The following ROBO1 variants were observed in gnomAD, a reference collection of about 807,000 sequenced individuals.
ROBO1 encodes the protein roundabout homolog 1.
Under a neutral mutation model 195.9 loss-of-function variants are expected in ROBO1, and 149 were observed. That is an observed-to-expected ratio of 0.76 (90% CI 0.67 to 0.87). The LOEUF is 0.87. ROBO1 is among the 40% of genes least tolerant of loss of function. ROBO1 has a pLI of 0.00. For synonymous variants in ROBO1, 816 were observed against 733.2 expected (o/e 1.11, Z -1.82); for missense variants, 1,933 against 2,068.3 (o/e 0.93, Z 1.27).
At chr3:79,119,279 A>G (rs2108556097) in intron 3 of ROBO1, among the ~76,000 whole-genome samples, 1 of 152,330 alleles carries the variant, frequency 6.6e-6, no homozygotes, top group South Asian at 2.1e-4. Context: ...TAATGCTCAA[A>G]TCCACTTGAA....
Position 78,625,819 on chromosome 3 carries a change from T to A in ROBO1, c.3875+1502A>T, listed in dbSNP as rs563508886. The stretch of plus-strand genomic sequence containing the variant: ...CAAAACGTTATAAGCCAGAATGCAG[T>A]GGGCTGAGGTGCGAATGCGAATCAG... On this transcript the variant is annotated intron_variant, in intron 26 of 30. Coordinates refer to ENST00000464233, the MANE Select transcript of ROBO1 (RefSeq NM_002941.4). 2.6e-5 allele frequency among the ~76,000 whole-genome samples: 4 copies of A among 152,054 alleles called. No homozygotes were observed. In the East Asian group the frequency reaches 7.8e-4, roughly 29 times the overall value.
chr3:78,940,987 A>T (rs963706191), intron 3 of ROBO1, among the ~76,000 whole-genome samples: 1 of 152,272 alleles, frequency 6.6e-6, no homozygotes, highest in African/African-American at 2.4e-5. Context: ...TATTTTTCAA[A>T]GTTATAACTA....
At chr3:79,312,333 T>C (rs2033525301) in intron 2 of ROBO1, among the ~76,000 whole-genome samples, 1 of 152,212 alleles carries the variant, frequency 6.6e-6, no homozygotes, top group Non-Finnish European at 1.5e-5. Flanking sequence ...TTGTCTGTTT[T>C]ACTTACTTCA....
chr3:78,954,904 G>A (rs569907069), intron 3 of ROBO1, among the ~76,000 whole-genome samples: 3 of 151,124 alleles, frequency 2.0e-5, no homozygotes, highest in Non-Finnish European at 4.4e-5. Context: ...TTTCTAAGGA[G>A]AGAATTTCTT....
At position 78,846,525 on chromosome 3, in the gene ROBO1, T is replaced by C. The variant is rs891999635; in HGVS notation, c.499+92076A>G. Among the ~76,000 whole-genome samples the C allele has an allele frequency of 2.0e-5, 3 of 152,246 alleles. 1 individual carries two copies. In the South Asian group the frequency reaches 6.2e-4, roughly 32 times the overall value. ...ACGATGGCATCTTTTCACATTTTATTTTGTATCAGAAAAAAGCATTTAAGC... is the reference window on the plus strand; with the variant it reads ...ACGATGGCATCTTTTCACATTTTATCTTGTATCAGAAAAAAGCATTTAAGC... On this transcript the variant is annotated intron_variant, in intron 4 of 30. Coordinates refer to ENST00000464233, the MANE Select transcript of ROBO1 (RefSeq NM_002941.4).
Position 79,756,452 on chromosome 3 carries a change from G to A in ROBO1, c.-51+11300C>T, listed in dbSNP as rs549408933. Among the ~76,000 whole-genome samples the A allele has an allele frequency of 8.6e-5, 13 of 151,940 alleles. No individual in the cohort carries two copies. The South Asian group carries it at 2.1e-3, about 24-fold the overall frequency. On this transcript the variant is annotated intron_variant, in intron 1 of 30. Coordinates refer to ENST00000464233, the MANE Select transcript of ROBO1 (RefSeq NM_002941.4). ...TAATCCCAGCTACTCAGGGGGCGGAGGCAGGAGAATTGCTTGAACCCAGGG... is the reference window on the plus strand; with the variant it reads ...TAATCCCAGCTACTCAGGGGGCGGAAGCAGGAGAATTGCTTGAACCCAGGG...
chr3:78,731,299 T>A (rs934518947), intron 5 of ROBO1, among the ~76,000 whole-genome samples: 1 of 152,096 alleles, frequency 6.6e-6, no homozygotes, highest in Non-Finnish European at 1.5e-5. Context: ...CTGTTGGAAC[T>A]TTGAGCTGAA....
chr3:79,456,257 A>G (rs2039615864), intron 2 of ROBO1, among the ~76,000 whole-genome samples: 1 of 152,204 alleles, frequency 6.6e-6, no homozygotes, highest in Non-Finnish European at 1.5e-5. Flanking sequence ...CAGTTTAATC[A>G]AAAGATTTTT....
At chr3:78,912,325 C>T (rs925314820) in intron 4 of ROBO1, among the ~76,000 whole-genome samples, 5 of 151,976 alleles carry the variant, frequency 3.3e-5, no homozygotes, top group African/African-American at 9.7e-5. Flanking sequence ...ATATCAGCTG[C>T]GAGGTGAGAC....
intron 4 of ROBO1, among the ~76,000 whole-genome samples, chr3:78,876,821 GAATA>G (rs931824426): frequency 8.1e-4 from 123 of 151,860 alleles, no homozygotes; most frequent in African/African-American, 3.0e-3. Context: ...ATAAATACAA[GAATA>G]GATACGTGAA....
At chr3:79,761,787 G>C (rs1418005194) in intron 1 of ROBO1, among the ~76,000 whole-genome samples, 1 of 152,066 alleles carries the variant, frequency 6.6e-6, no homozygotes, top group East Asian at 1.9e-4. Flanking sequence ...GATCTAAAAA[G>C]CTTTGCAAAT....
At chr3:79,662,734 CT>C (rs1255124851) in intron 1 of ROBO1, among the ~76,000 whole-genome samples, 1 of 152,024 alleles carries the variant, frequency 6.6e-6, no homozygotes, top group Admixed American at 6.6e-5. Flanking sequence ...ATTTGCTCAA[CT>C]TGTAAGGTTG....
Position 79,551,980 on chromosome 3 carries a change from T to TAAAAAAAAAA in ROBO1, c.88+37834_88+37843dup, listed in dbSNP as rs771824432. The stretch of plus-strand genomic sequence containing the variant: ...CTGTCCTTTGATCTCTCTACAGAGT[T>TAAAAAAAAAA]AAAAAAAAAAAAAAAAAAAAAAAAA... On this transcript the variant is annotated intron_variant, in intron 2 of 30. Transcript: ENST00000464233. 3.8e-4 allele frequency among the ~76,000 whole-genome samples: 17 copies of TAAAAAAAAAA among 44,260 alleles called. 1 individual carries two copies. The highest frequency in any genetic ancestry group is 8.3e-4 in the African/African-American group (9 of 10,842). 29.0% of individuals were successfully genotyped at this position (44,260 alleles called of 152,430 possible). A position where few individuals can be genotyped will look rare whatever the true frequency, so the allele number is the denominator to read the frequency against.
At chr3:79,699,400 C>T (rs948614213) in intron 1 of ROBO1, among the ~76,000 whole-genome samples, 13 of 151,404 alleles carry the variant, frequency 8.6e-5, no homozygotes, top group East Asian at 5.8e-4. Context: ...GCAGATTTCT[C>T]GGACATTTCA....
At chr3:79,720,879 G>A (rs999137679) in intron 1 of ROBO1, among the ~76,000 whole-genome samples, 5 of 149,370 alleles carry the variant, frequency 3.3e-5, no homozygotes, top group Admixed American at 6.8e-5. Context: ...TGCAAGCTCC[G>A]CCTCCCAGGT....
At chr3:79,628,484 G>A (rs1945246058) in intron 1 of ROBO1, among the ~76,000 whole-genome samples, 1 of 152,110 alleles carries the variant, frequency 6.6e-6, no homozygotes, top group African/African-American at 2.4e-5. Flanking sequence ...GGCCTGTTGG[G>A]GGATGAGGGC....
At chr3:79,638,851 T>A (rs1056410109) in intron 1 of ROBO1, among the ~76,000 whole-genome samples, 2 of 152,152 alleles carry the variant, frequency 1.3e-5, no homozygotes, top group Non-Finnish European at 2.9e-5. Context: ...CAAAACCTAA[T>A]ATTGGCATCA....
intron 3 of ROBO1, among the ~76,000 whole-genome samples, chr3:79,083,313 T>C (rs1342953589): frequency 1.3e-5 from 2 of 152,126 alleles, no homozygotes; most frequent in African/African-American, 4.8e-5. Context: ...ATAAAAATGT[T>C]AGAGGGGAAA....
chr3:78,685,928 G>A lies in ROBO1; in HGVS notation c.1171-11C>T. 6.5e-7 allele frequency: 1 copy of A among 1,548,286 alleles called. No individual in the cohort carries two copies. On this transcript the variant is annotated splice_polypyrimidine_tract_variant and intron_variant, in intron 9 of 30. Coordinates refer to ENST00000464233, the MANE Select transcript of ROBO1 (RefSeq NM_002941.4). ...TGAGAAAAGTAGATTCTAGAACCCA[G>A]AAATTGGGATGGAGGAAAATAAAAA... is the stretch of plus-strand genomic sequence containing the variant.
Sources: allele counts gnomAD v4.1 joint callset (sites outside exome capture counted in the v4.1 genomes callset), GRCh38; gene constraint gnomAD v4.1.1; transcripts MANE v1.5; gene names NCBI Gene and HGNC (gene_info 2026-07-23, HGNC 2026-07-21).